The following AFF1 variants were observed in gnomAD, a reference collection of about 807,000 sequenced individuals.
The protein encoded by AFF1 is ALF transcription elongation factor 1, also known as AF4/FMR2 family member 1.
AFF1 carries 48 observed loss-of-function variants against 121.7 expected under a neutral mutation model. The observed-to-expected ratio is 0.39, with a 90% CI of 0.31 to 0.50. AFF1 has a LOEUF of 0.50. AFF1 is among the 20% of genes least tolerant of loss of function. The pLI, the probability that AFF1 is intolerant of heterozygous loss-of-function variation, is 0.76. For missense variants in AFF1, 1,523 were observed against 1,511.7 expected, an observed-to-expected ratio of 1.01 and a Z score of -0.12; for synonymous variants, 613 against 563.0, an observed-to-expected ratio of 1.09 and a Z score of -1.26.
Position 86,935,026 on chromosome 4 carries a change from G to C in AFF1, c.-251G>C, listed in dbSNP as rs1485152505. 6.6e-6 allele frequency: 1 copy of C among 151,876 alleles called. No individual in the cohort carries two copies. Among genetic ancestry groups the C allele is most frequent in the African/African-American group, 2.4e-5 (1 of 41,404 alleles). 9.4% of individuals were successfully genotyped at this position (151,876 alleles called of 1,614,324 possible). ...TGAGCTTGCCAGCCAGCTAGCGAGC[G>C]ACGGGCGCGCGCGGCCCCTGCGCAC... On this transcript the variant is annotated 5_prime_UTR_variant, in exon 1 of 21. Transcript: ENST00000395146.
At chr4:87,119,453 C>T (rs1471780048) in intron 12 of AFF1, among the ~76,000 whole-genome samples, 3 of 151,978 alleles carry the variant, frequency 2.0e-5, no homozygotes, top group Non-Finnish European at 4.4e-5. Context: ...TGCCTGAGGT[C>T]CCAGCTACTC....
At chr4:86,982,602 T>C (rs889634508) in intron 2 of AFF1, among the ~76,000 whole-genome samples, 1 of 151,248 alleles carries the variant, frequency 6.6e-6, no homozygotes, top group Non-Finnish European at 1.5e-5. Flanking sequence ...TCATGCACTT[T>C]GGAAGGCTAA....
intron 4 of AFF1, among the ~76,000 whole-genome samples, chr4:87,049,045 T>C (rs372451957): frequency 7.1e-6 from 1 of 139,892 alleles, no homozygotes; most frequent in South Asian, 2.6e-4. Flanking sequence ...TCTTTCTTTC[T>C]TTATCAAATA....
intron 4 of AFF1, among the ~76,000 whole-genome samples, chr4:87,069,271 C>CT (rs753186809): frequency 0.67 from 55,202 of 81,814 alleles, 19,228 homozygotes; most frequent in Non-Finnish European, 0.72. Flanking sequence ...TGTGTGGCCT[C>CT]TTTTTTTTTT....
intron 2 of AFF1, among the ~76,000 whole-genome samples, chr4:87,022,533 C>A (rs1322771796): frequency 1.9e-5 from 2 of 107,890 alleles, no homozygotes; most frequent in Non-Finnish European, 1.9e-5. Context: ...GTTTTCTTCC[C>A]GTGCTTACAG....
intron 5 of AFF1, among the ~76,000 whole-genome samples, chr4:87,089,630 G>A (rs1320531505): frequency 6.6e-6 from 1 of 152,210 alleles, no homozygotes; most frequent in Non-Finnish European, 1.5e-5. Context: ...AGGAGAGACT[G>A]CTTTTCCAGC....
At chr4:86,966,655 G>A (rs1198236608) in intron 2 of AFF1, among the ~76,000 whole-genome samples, 2 of 151,996 alleles carry the variant, frequency 1.3e-5, no homozygotes, top group Non-Finnish European at 2.9e-5. Flanking sequence ...GAGTTACTTG[G>A]CTCAGTCTGC....
At chr4:86,962,145 CTTTTTTTTT>C (rs3035474) in intron 2 of AFF1, among the ~76,000 whole-genome samples, 13 of 122,580 alleles carry the variant, frequency 1.1e-4, no homozygotes, top group Middle Eastern at 4.3e-3. Flanking sequence ...GTTATTGTTT[CTTTTTTTTT>C]TTTTTTTTTT....
intron 2 of AFF1, among the ~76,000 whole-genome samples, chr4:87,043,240 C>T (rs1243916350): frequency 1.3e-5 from 2 of 152,132 alleles, no homozygotes; most frequent in African/African-American, 4.8e-5. Flanking sequence ...GGGGAGAACT[C>T]CCTTGGTGGT....
At chr4:86,977,116 T>A (rs958389154) in intron 2 of AFF1, among the ~76,000 whole-genome samples, 1 of 152,186 alleles carries the variant, frequency 6.6e-6, no homozygotes. Context: ...TCAAATACAG[T>A]AAGTAGTCCC....
At chr4:86,943,487 C>A (rs186141602) in intron 1 of AFF1, among the ~76,000 whole-genome samples, 2 of 152,308 alleles carry the variant, frequency 1.3e-5, no homozygotes, top group Admixed American at 6.5e-5. Context: ...GGCCTCTGAA[C>A]AGAGTAATTT....
chr4:87,117,432 C>T (rs1002549955), intron 12 of AFF1, among the ~76,000 whole-genome samples: 2 of 152,172 alleles, frequency 1.3e-5, no homozygotes, highest in African/African-American at 4.8e-5. Flanking sequence ...TTCCAAACCC[C>T]GGCTACACAT....
Position 86,958,485 on chromosome 4 carries a change from C to T in AFF1, c.38+9914C>T, listed in dbSNP as rs539227054. ...GTAATTCCAGCATTTTGGGAGGCCA[C>T]GGTGGGTAAATCACCTGAGGGTCAG... On this transcript the variant is annotated intron_variant, in intron 2 of 20. Coordinates refer to ENST00000395146, the MANE Select transcript of AFF1 (RefSeq NM_001166693.3). 5.3e-5 allele frequency among the ~76,000 whole-genome samples: 8 copies of T among 150,786 alleles called. No individual in the cohort carries two copies. In the East Asian group the frequency reaches 8.1e-4, roughly 15 times the overall value.
At chr4:87,029,367 A>G (rs572337875) in intron 2 of AFF1, among the ~76,000 whole-genome samples, 1 of 152,324 alleles carries the variant, frequency 6.6e-6, no homozygotes, top group African/African-American at 2.4e-5. Flanking sequence ...GTTTAACGTT[A>G]TGAAGACTGT....
chr4:87,004,181 G>A (rs535136220), intron 2 of AFF1, among the ~76,000 whole-genome samples: 22 of 152,234 alleles, frequency 1.4e-4, no homozygotes, highest in African/African-American at 5.3e-4. Context: ...CTGAATCTAG[G>A]TGCTAAGAGG....
intron 2 of AFF1, among the ~76,000 whole-genome samples, chr4:86,964,282 T>A (rs1214629000): frequency 6.6e-6 from 1 of 150,412 alleles, no homozygotes; most frequent in Admixed American, 6.6e-5. Context: ...CACCACCACA[T>A]CCAGCTAATT....
intron 2 of AFF1, among the ~76,000 whole-genome samples, chr4:86,985,222 T>C (rs1238660880): frequency 7.2e-6 from 1 of 139,478 alleles, no homozygotes; most frequent in Non-Finnish European, 1.5e-5. Context: ...TATAAAATTA[T>C]ATTTTAGGCC....
intron 2 of AFF1, among the ~76,000 whole-genome samples, chr4:86,975,141 C>A (rs1219334129): frequency 2.0e-5 from 3 of 152,162 alleles, no homozygotes; most frequent in Non-Finnish European, 2.9e-5. Context: ...TGCTCCTTTC[C>A]CCCAAAAGCC....
chr4:87,056,743 C>G (rs1055544843), intron 4 of AFF1, among the ~76,000 whole-genome samples: 2 of 152,176 alleles, frequency 1.3e-5, no homozygotes, highest in African/African-American at 2.4e-5. Flanking sequence ...TTTATTATGA[C>G]ATAGCATAAA....
Sources: gnomAD v4.1 joint callset for allele counts (sites outside exome capture counted in the v4.1 genomes callset) on GRCh38, gnomAD v4.1.1 for gene constraint, MANE v1.5 for transcripts, NCBI Gene and HGNC (gene_info 2026-07-23, HGNC 2026-07-21) for gene names.